Variants in HYDIN observed in about 807,000 individuals in gnomAD.
HYDIN encodes the protein axonemal central pair apparatus protein HYDIN.
Under a neutral mutation model 403.9 loss-of-function variants are expected in HYDIN, and 132 were observed. That is an observed-to-expected ratio of 0.33 (90% CI 0.28 to 0.38). HYDIN has a LOEUF of 0.38. Among genes scored for constraint, HYDIN ranks in the 10% least tolerant of loss-of-function variants. The pLI is 1.00. For missense variants in HYDIN, 2,827 were observed against 5,009.5 expected, an observed-to-expected ratio of 0.56 and a Z score of 13.15; for synonymous variants, 1,202 against 1,891.7, an observed-to-expected ratio of 0.64 and a Z score of 9.46.
At chr16:70,919,128 T>G (rs1276606428) in intron 46 of HYDIN, among the ~76,000 whole-genome samples, 1 of 150,670 alleles carries the variant, frequency 6.6e-6, no homozygotes, top group African/African-American at 2.4e-5. Context: ...CTAAAGGCAT[T>G]TCCTGACAAA....
At chr16:70,951,155 A>C (rs539238980) in intron 41 of HYDIN, among the ~76,000 whole-genome samples, 1 of 152,120 alleles carries the variant, frequency 6.6e-6, no homozygotes, top group South Asian at 2.1e-4. Flanking sequence ...GGATTGCTTA[A>C]GCCCGGGAGC....
At position 70,973,238 on chromosome 16, in the gene HYDIN, C is replaced by G. The variant is rs536408910; in HGVS notation, c.5379+105G>C. ...ATGCCATATTCAGAAAAGCAAGGCACAGGTCACTCGAAGCTTCCCTTGAGA... is the reference window on the plus strand; with the variant it reads ...ATGCCATATTCAGAAAAGCAAGGCAGAGGTCACTCGAAGCTTCCCTTGAGA... On this transcript the variant is annotated intron_variant, in intron 35 of 85. Transcript: ENST00000393567. The G allele has an allele frequency of 1.3e-4, 54 of 427,188 alleles. No homozygotes were observed. The South Asian group carries it at 2.2e-3, about 17-fold the overall frequency. The allele number at this position is 427,188 out of a possible 1,614,324, so 26.5% of individuals were successfully genotyped here.
chr16:71,226,383 GA>G (rs1023650063), intron 1 of HYDIN, among the ~76,000 whole-genome samples: 4 of 149,218 alleles, frequency 2.7e-5, no homozygotes, highest in South Asian at 2.1e-4. Flanking sequence ...TCAGCCTTAT[GA>G]AAAAAAAACA....
intron 21 of HYDIN, among the ~76,000 whole-genome samples, chr16:71,023,081 G>A (rs570025301): frequency 6.6e-6 from 1 of 152,240 alleles, no homozygotes; most frequent in African/African-American, 2.4e-5. Context: ...GGCATTCAGG[G>A]AAAATACAAT....
rs756118481 is a variant in HYDIN at position 70,837,812 on chromosome 16, A to G, written c.13120T>C (p.Leu4374=). Residue 4374 remains leucine (L), a synonymous_variant, in exon 77 of 86, where the codon TTG becomes CTG. Coordinates refer to ENST00000393567, the MANE Select transcript of HYDIN (RefSeq NM_001270974.2). ...RVDVVKPGNT[L]EIPITFYPRE... ...GGATAAAAAGTTATTGGAATCTCCA[A>G]TGTGTTTCCTGGCTTTACCACATCA... 121 of 1,613,878 alleles carry G rather than the reference A, an allele frequency of 7.5e-5. No individual in the cohort carries two copies. The highest frequency in any genetic ancestry group is 9.7e-5 in the Non-Finnish European group (114 of 1,179,866).
At chr16:71,220,509 T>A (rs1408319779) in intron 1 of HYDIN, among the ~76,000 whole-genome samples, 1 of 152,160 alleles carries the variant, frequency 6.6e-6, no homozygotes, top group Non-Finnish European at 1.5e-5. Context: ...AATACACACT[T>A]CACATAAAAA....
intron 55 of HYDIN, 49 bp from the exon 56 acceptor site, chr16:70,892,578 C>T (rs1433158418): frequency 1.3e-6 from 2 of 1,570,006 alleles, no homozygotes; most frequent in Non-Finnish European, 1.7e-6. Flanking sequence ...CCCGGGAACT[C>T]AAGATCCCAG....
intron 14 of HYDIN, among the ~76,000 whole-genome samples, 156 bp downstream of exon 14, chr16:71,069,111 G>T (rs2082369963): frequency 6.6e-6 from 1 of 151,404 alleles, no homozygotes; most frequent in Admixed American, 6.6e-5. Flanking sequence ...ATTTGTGTCT[G>T]ATTTATTTCC....
At chr16:71,028,761 G>A (rs1431036113) in intron 19 of HYDIN, among the ~76,000 whole-genome samples, 1 of 152,134 alleles carries the variant, frequency 6.6e-6, no homozygotes. Context: ...TAGTTGTTAG[G>A]TATAACCATT....
At chr16:71,080,045 A>G (rs963867948) in intron 12 of HYDIN, 93 bp from the exon 13 acceptor site, 1 of 617,442 alleles carries the variant, frequency 1.6e-6, no homozygotes, top group Non-Finnish European at 3.0e-6. Context: ...TACAAAAACC[A>G]TACCTTGACT....
chr16:70,894,518 A>G lies in HYDIN; in HGVS notation c.9179T>C (p.Val3060Ala). The G allele has an allele frequency of 1.3e-6, 2 of 1,596,298 alleles. No homozygotes were observed. The highest frequency in any genetic ancestry group is 2.2e-5 in the South Asian group (2 of 89,096). ...GAEGGLDFGIVRVTEEAKQPL... is the reference protein window; with the variant it reads ...GAEGGLDFGIARVTEEAKQPL... ...CTGCTTCGCCTCCTCTGTGACCCTG[A>G]CAATCCCAAAATCCAGTCCCCCTTC... Residue 3060 changes from valine (V) to alanine (A), a missense_variant, in exon 55 of 86, where the codon GTC (valine) becomes GCC (alanine). Physicochemically the swap from Val to Ala is moderately conservative, Grantham distance 64. Transcript: ENST00000393567.
Position 71,069,336 on chromosome 16 carries a change from C to A in HYDIN, c.1905G>T (p.Met635Ile). The A allele has an allele frequency of 6.2e-7, 1 of 1,614,040 alleles. No individual in the cohort carries two copies. Among genetic ancestry groups the A allele is most frequent in the Non-Finnish European group, 8.5e-7 (1 of 1,180,004 alleles). The change falls in exon 14 of 86, where the codon ATG becomes ATT. Residue 635 changes from methionine (M) to isoleucine (I), a missense_variant. By Grantham distance (10) the Met-to-Ile change is conservative (BLOSUM62 1). Coordinates refer to ENST00000393567, the MANE Select transcript of HYDIN (RefSeq NM_001270974.2). Reference sequence around the variant, plus strand: ...GAGAGATGGTGAATTCTTTTGGTTTCATTGAGGATATTTCTTCCTTGGTCC... The same window carrying A: ...GAGAGATGGTGAATTCTTTTGGTTTAATTGAGGATATTTCTTCCTTGGTCC... ...PSWTKEEISS[M>I]KPKEFTISPD...
At chr16:71,138,641 G>A (rs1467522773) in intron 7 of HYDIN, among the ~76,000 whole-genome samples, 1 of 151,832 alleles carries the variant, frequency 6.6e-6, no homozygotes, top group Non-Finnish European at 1.5e-5. Flanking sequence ...AACTTTCTTT[G>A]AGTGAAATGT....
At chr16:71,094,677 G>A (rs428446) in intron 10 of HYDIN, among the ~76,000 whole-genome samples, 1 of 152,406 alleles carries the variant, frequency 6.6e-6, no homozygotes, top group South Asian at 2.1e-4. Flanking sequence ...CAATGCTTAC[G>A]CACAAAGGCA....
chr16:71,203,948 C>T, intron 1 of HYDIN: 1 of 366,144 alleles, frequency 2.7e-6, no homozygotes, highest in African/African-American at 2.1e-5. Flanking sequence ...ACCTTTAGTC[C>T]CGGCTACTTG....
At chr16:71,070,321 CT>C (rs1228628094) in intron 13 of HYDIN, among the ~76,000 whole-genome samples, 1,880 of 137,206 alleles carry the variant, frequency 0.014, 41 homozygotes, top group African/African-American at 0.041. Context: ...TCCTTTCTTT[CT>C]TTTTTTTTTT....
At chr16:71,145,496 G>A (rs2085333292) in intron 7 of HYDIN, among the ~76,000 whole-genome samples, 1 of 152,068 alleles carries the variant, frequency 6.6e-6, no homozygotes, top group Non-Finnish European at 1.5e-5. Flanking sequence ...CTTGTGATCT[G>A]CCTGCCTTGG....
intron 58 of HYDIN, among the ~76,000 whole-genome samples, chr16:70,888,823 C>T (rs893212441): frequency 6.6e-6 from 1 of 152,180 alleles, no homozygotes; most frequent in Non-Finnish European, 1.5e-5. Context: ...GCAGAGGTGG[C>T]GTGGGACCAA....
Position 70,829,831 on chromosome 16 carries a change from C to T in HYDIN, c.13900-1G>A. ...GCACCTGGCACGTGAAATTCACTAC[C>T]TGGAAGAAAGCAGGCACCTCATCTT... is the stretch of plus-strand genomic sequence containing the variant. On this transcript the variant is annotated splice_acceptor_variant, in intron 80 of 85. Transcript: ENST00000393567. LOFTEE classifies it high-confidence loss of function. The T allele has an allele frequency of 6.2e-7, 1 of 1,613,786 alleles. No individual in the cohort carries two copies. The highest frequency in any genetic ancestry group is 1.7e-5 in the Admixed American group (1 of 60,016).
Sources: gnomAD v4.1 joint callset for allele counts (sites outside exome capture counted in the v4.1 genomes callset) on GRCh38, gnomAD v4.1.1 for gene constraint, MANE v1.5 for transcripts, NCBI Gene and HGNC (gene_info 2026-07-23, HGNC 2026-07-21) for gene names.